Variants in GALNT18 observed in about 807,000 individuals in gnomAD.
The protein encoded by GALNT18 is polypeptide N-acetylgalactosaminyltransferase 18, also known as GalNAc-transferase 18.
In GALNT18, 44 loss-of-function variants were observed where a neutral mutation model predicts 69.5. The ratio of observed to expected loss-of-function variants is 0.63; its 90% confidence interval spans 0.50 to 0.81. The LOEUF is 0.81. GALNT18 is among the 40% of genes least tolerant of loss of function. The pLI, the probability that GALNT18 is intolerant of heterozygous loss-of-function variation, is 0.00. For missense variants in GALNT18, 715 were observed against 810.0 expected (o/e 0.88, Z 1.42); for synonymous variants, 364 against 318.2 (o/e 1.14, Z -1.53).
In GALNT18 at chr11:11,432,311, A is replaced by G. The variant is rs1209460131; in HGVS notation, c.595+310T>C. Among the ~76,000 whole-genome samples the G allele has an allele frequency of 2.0e-5, 3 of 152,188 alleles. No homozygotes were observed. On this transcript the variant is annotated intron_variant, in intron 3 of 10. Transcript: ENST00000227756. The surrounding 1 kb of genome is among the most constrained non-coding windows in gnomAD (Gnocchi z 5.8). ...ATGCATCATGGAAAAGAGTCACTGG[A>G]CATGTTCACTGTGTACATGGTAGGG...
At chr11:11,458,983 G>A (rs917716139) in intron 1 of GALNT18, among the ~76,000 whole-genome samples, 13 of 152,282 alleles carry the variant, frequency 8.5e-5, no homozygotes, top group South Asian at 2.1e-4. Flanking sequence ...CAGTGTTTGC[G>A]TTTTACTTGA....
At chr11:11,508,013 T>C (rs1033242996) in intron 1 of GALNT18, among the ~76,000 whole-genome samples, 1 of 152,228 alleles carries the variant, frequency 6.6e-6, no homozygotes, top group Non-Finnish European at 1.5e-5. Flanking sequence ...GACGGCATTA[T>C]TGTATATTAC....
intron 1 of GALNT18, among the ~76,000 whole-genome samples, chr11:11,536,808 T>C (rs930623187): frequency 6.6e-6 from 1 of 152,252 alleles, no homozygotes; most frequent in Non-Finnish European, 1.5e-5. Flanking sequence ...TTATGCCTTG[T>C]GCATTCCTGC....
Position 11,432,665 on chromosome 11 carries a change from T to C in GALNT18, c.551A>G (p.His184Arg), listed in dbSNP as rs770455467. 1 of 1,612,378 alleles carries C rather than the reference T, an allele frequency of 6.2e-7. No individual in the cohort carries two copies. The highest frequency in any genetic ancestry group is 1.1e-5 in the South Asian group (1 of 90,406). ...IHSAMERTPP[H>R]LLKEIILVDD... ...CACCAGAATGATCTCCTTGAGCAGA[T>C]GTGGGGGCGTGCGTTCCATGGCCGA... Residue 184 changes from histidine (H) to arginine (R), a missense_variant, in exon 3 of 11, where the codon CAT (histidine) becomes CGT (arginine). By Grantham distance (29) the His-to-Arg change is conservative. Coordinates refer to ENST00000227756, the MANE Select transcript of GALNT18 (RefSeq NM_198516.3). The surrounding 1 kb of genome is among the most constrained non-coding windows in gnomAD (Gnocchi z 5.8).
chr11:11,485,137 T>C (rs1221840465), intron 1 of GALNT18, among the ~76,000 whole-genome samples: 2 of 152,244 alleles, frequency 1.3e-5, no homozygotes, highest in Non-Finnish European at 1.5e-5. Flanking sequence ...GGTTTCCTCC[T>C]GTTCTCACAA....
At chr11:11,526,090 C>A (rs963206276) in intron 1 of GALNT18, among the ~76,000 whole-genome samples, 2 of 152,038 alleles carry the variant, frequency 1.3e-5, no homozygotes, top group Non-Finnish European at 2.9e-5. Flanking sequence ...GTATGCTAGG[C>A]GTTCTCAGGG....
chr11:11,393,882 C>T (rs897112689), intron 3 of GALNT18, among the ~76,000 whole-genome samples: 3 of 152,198 alleles, frequency 2.0e-5, no homozygotes, highest in Non-Finnish European at 4.4e-5. Flanking sequence ...AGACATGCCC[C>T]CAAATATCAA....
At chr11:11,495,144 T>A (rs569586082) in intron 1 of GALNT18, among the ~76,000 whole-genome samples, 1 of 152,324 alleles carries the variant, frequency 6.6e-6, no homozygotes, top group Non-Finnish European at 1.5e-5. Context: ...GTCAGCAATT[T>A]GAAGTTCTGA....
intron 9 of GALNT18, among the ~76,000 whole-genome samples, chr11:11,294,137 CAAAAGGA>C (rs1439967158): frequency 2.0e-5 from 3 of 151,880 alleles, no homozygotes; most frequent in Admixed American, 6.6e-5. Context: ...AAAACAAACC[CAAAAGGA>C]AAAAGGAGAA....
chr11:11,436,666 A>G lies in GALNT18; in HGVS notation c.429-3879T>C, dbSNP rs960180876. Among the ~76,000 whole-genome samples, 2 of 152,198 alleles carry G rather than the reference A, an allele frequency of 1.3e-5. No homozygotes were observed. The highest frequency in any genetic ancestry group is 2.9e-5 in the Non-Finnish European group (2 of 68,042). On this transcript the variant is annotated intron_variant, in intron 2 of 10. Coordinates refer to ENST00000227756, the MANE Select transcript of GALNT18 (RefSeq NM_198516.3). The surrounding 1 kb of genome is among the most constrained non-coding windows in gnomAD (Gnocchi z 4.5). ...GTCTGTAGTTCGTATCTTCACCTCA[A>G]CACTGAAGCAGAATGTACATTGCTG...
intron 3 of GALNT18, among the ~76,000 whole-genome samples, chr11:11,424,799 G>A (rs897003933): frequency 1.3e-5 from 2 of 152,214 alleles, no homozygotes; most frequent in African/African-American, 4.8e-5. Flanking sequence ...AACAGTGGTA[G>A]TAACGCTGAC....
intron 3 of GALNT18, among the ~76,000 whole-genome samples, chr11:11,418,863 G>A (rs866448892): frequency 6.6e-6 from 1 of 152,168 alleles, no homozygotes; most frequent in Non-Finnish European, 1.5e-5. Context: ...TCTCTGGATC[G>A]CAGTTTTCTC....
At chr11:11,298,822 C>T (rs974057483) in intron 9 of GALNT18, among the ~76,000 whole-genome samples, 3 of 152,186 alleles carry the variant, frequency 2.0e-5, no homozygotes, top group Non-Finnish European at 1.5e-5. Flanking sequence ...AGTTTGAAAA[C>T]CACTTCTCTG....
rs1565046431 is a variant in GALNT18, at chr11:11,621,367, T to C, written c.227A>G (p.His76Arg). The C allele has an allele frequency of 6.2e-7, 1 of 1,613,798 alleles. No homozygotes were observed. The highest frequency in any genetic ancestry group is 1.1e-5 in the South Asian group (1 of 91,052). The part of the protein sequence containing the change: ...LDHLENVIKQ[H>R]IQEAPAKPEE... ...TTCCGGGGCGCCCGTACCTTGAATG[T>C]GCTGCTTGATGACATTCTCCAGGTG... Residue 76 changes from histidine (H) to arginine (R), a missense_variant, in exon 1 of 11, where the codon CAC becomes CGC. His to Arg is a conservative substitution (Grantham distance 29, BLOSUM62 0). Transcript: ENST00000227756. The surrounding 1 kb of genome is among the most constrained non-coding windows in gnomAD (Gnocchi z 9.3).
At chr11:11,386,201 C>A (rs1319481238) in intron 3 of GALNT18, among the ~76,000 whole-genome samples, 1 of 152,166 alleles carries the variant, frequency 6.6e-6, no homozygotes, top group Non-Finnish European at 1.5e-5. Flanking sequence ...CCTCACTTAT[C>A]AGGTGGGATG....
chr11:11,565,426 G>C (rs1049867882), intron 1 of GALNT18, among the ~76,000 whole-genome samples: 3 of 152,186 alleles, frequency 2.0e-5, no homozygotes, highest in African/African-American at 7.2e-5. Context: ...AGTCCACCCT[G>C]CTTTCTTCCA....
chr11:11,532,242 A>G (rs970502303), intron 1 of GALNT18, among the ~76,000 whole-genome samples: 3 of 152,208 alleles, frequency 2.0e-5, no homozygotes, highest in Non-Finnish European at 2.9e-5. Flanking sequence ...AACAACAGGA[A>G]AAGATGACTA....
At chr11:11,279,066 G>T (rs999818321) in intron 10 of GALNT18, among the ~76,000 whole-genome samples, 1 of 152,130 alleles carries the variant, frequency 6.6e-6, no homozygotes, top group African/African-American at 2.4e-5. Context: ...TGACGGGCTT[G>T]GGCCATCCCC....
In GALNT18 at chr11:11,505,993, A is replaced by G. The variant is rs1857063339; in HGVS notation, c.236-57057T>C. Among the ~76,000 whole-genome samples, 1 of 152,142 alleles carries G rather than the reference A, an allele frequency of 6.6e-6. No individual in the cohort carries two copies. Among genetic ancestry groups the G allele is most frequent in the Admixed American group, 6.5e-5 (1 of 15,288 alleles). On this transcript the variant is annotated intron_variant, in intron 1 of 10. Coordinates refer to ENST00000227756, the MANE Select transcript of GALNT18 (RefSeq NM_198516.3). This position sits in a 1 kb window ranked among gnomAD's most constrained non-coding sequence, Gnocchi z 4.6. ...GCTCAGCTCAGCTTTCAGGGACAAA[A>G]TTATGTATTATTGAGGTTTCCTGCA... is the stretch of plus-strand genomic sequence containing the variant.
Sources: gnomAD v4.1 joint callset for allele counts (sites outside exome capture counted in the v4.1 genomes callset) on GRCh38, gnomAD v4.1.1 for gene constraint, Gnocchi (gnomAD v3.1) non-coding constraint, MANE v1.5 for transcripts, NCBI Gene and HGNC (gene_info 2026-07-23, HGNC 2026-07-21) for gene names.